The following GALNTL6 variants were observed in gnomAD, a reference collection of about 807,000 sequenced individuals.
GALNTL6 encodes polypeptide N-acetylgalactosaminyltransferase-like 6.
A neutral mutation model predicts 73.7 loss-of-function variants in GALNTL6; 46 were observed. The ratio of observed to expected loss-of-function variants is 0.62; its 90% CI spans 0.49 to 0.80. GALNTL6 has a LOEUF of 0.80. GALNTL6 is among the 30% of genes least tolerant of loss of function. GALNTL6 has a pLI of 0.00. For missense variants in GALNTL6, 604 were observed against 755.0 expected, an observed-to-expected ratio of 0.80 and a Z score of 2.34; for synonymous variants, 259 against 263.7, an observed-to-expected ratio of 0.98 and a Z score of 0.17.
At chr4:172,614,521 T>C (rs1236200726) in intron 5 of GALNTL6, among the ~76,000 whole-genome samples, 1 of 152,146 alleles carries the variant, frequency 6.6e-6, no homozygotes, top group Admixed American at 6.6e-5. Context: ...AAGAAAAGTG[T>C]TTTTCACAAT....
At chr4:172,164,801 G>A (rs1012593940) in intron 2 of GALNTL6, among the ~76,000 whole-genome samples, 3 of 152,092 alleles carry the variant, frequency 2.0e-5, no homozygotes, top group Middle Eastern at 3.4e-3. Flanking sequence ...TCTGTAAACC[G>A]TAGAGTGTTA....
chr4:172,601,600 G>A (rs905046722), intron 5 of GALNTL6, among the ~76,000 whole-genome samples: 1 of 152,116 alleles, frequency 6.6e-6, no homozygotes, highest in African/African-American at 2.4e-5. Context: ...CTCTCCAGAA[G>A]CCATCCAGAT....
intron 3 of GALNTL6, among the ~76,000 whole-genome samples, chr4:172,294,176 C>T (rs1739578309): frequency 6.6e-6 from 1 of 151,954 alleles, no homozygotes; most frequent in East Asian, 1.9e-4. Flanking sequence ...ATTTTGTCTT[C>T]TCTCTTGTAG....
rs533467190 is a variant in GALNTL6 at position 173,032,761 on chromosome 4, AAG to A, written c.1639-7167_1639-7166del. 4.5e-4 allele frequency among the ~76,000 whole-genome samples: 68 copies of A among 152,316 alleles called. No individual in the cohort carries two copies. The East Asian group carries it at 0.012, about 26-fold the overall frequency. On this transcript the variant is annotated intron_variant, in intron 12 of 12. Transcript: ENST00000506823. ...TGTAGGTCATGCTAAGAATTTAGCT[AAG>A]AGAGTGTGAAGTGTTTGAATGGATT...
chr4:172,065,245 C>A (rs1287614822), intron 2 of GALNTL6, among the ~76,000 whole-genome samples: 1 of 152,084 alleles, frequency 6.6e-6, no homozygotes, highest in Non-Finnish European at 1.5e-5. Flanking sequence ...GAGCATGCAA[C>A]CTAGATCCCT....
intron 2 of GALNTL6, among the ~76,000 whole-genome samples, chr4:171,922,236 GTAGT>G (rs1737810953): frequency 6.6e-6 from 1 of 151,934 alleles, no homozygotes; most frequent in Non-Finnish European, 1.5e-5. Flanking sequence ...TAAATAAAAG[GTAGT>G]TAGGCTAATA....
At chr4:173,009,433 C>T in intron 11 of GALNTL6, 139 bp downstream of exon 11, 1 of 624,678 alleles carries the variant, frequency 1.6e-6, no homozygotes, top group Non-Finnish European at 2.9e-6. Context: ...GTATCACCAA[C>T]CAGCTCTGCA....
chr4:172,852,801 C>T (rs11935653), intron 7 of GALNTL6, among the ~76,000 whole-genome samples: 95,052 of 151,872 alleles, frequency 0.63, 31,918 homozygotes, highest in East Asian at 0.91. Context: ...ATAAAGAAAC[C>T]GGATCAAAAA....
At chr4:172,214,453 G>T (rs1736428954) in intron 2 of GALNTL6, among the ~76,000 whole-genome samples, 1 of 150,294 alleles carries the variant, frequency 6.7e-6, no homozygotes. Flanking sequence ...GACTTAATTG[G>T]TTCAATTTCA....
intron 10 of GALNTL6, among the ~76,000 whole-genome samples, chr4:172,998,465 C>A (rs555369623): frequency 2.8e-4 from 42 of 152,202 alleles, no homozygotes; most frequent in African/African-American, 9.6e-4. Context: ...TATTTTAATT[C>A]TGCTTTTCTC....
chr4:171,995,087 C>T (rs1035940274), intron 2 of GALNTL6, among the ~76,000 whole-genome samples: 4 of 151,576 alleles, frequency 2.6e-5, no homozygotes, highest in Non-Finnish European at 5.9e-5. Flanking sequence ...AATTATAATT[C>T]CTATTTTTAT....
chr4:172,648,421 ATTAG>A (rs1314826566), intron 5 of GALNTL6, among the ~76,000 whole-genome samples: 1 of 152,178 alleles, frequency 6.6e-6, no homozygotes, highest in Non-Finnish European at 1.5e-5. Flanking sequence ...CAATGTTAAT[ATTAG>A]TTAGTAGTCA....
intron 2 of GALNTL6, among the ~76,000 whole-genome samples, chr4:171,904,869 C>A (rs571832498): frequency 2.6e-5 from 4 of 152,046 alleles, no homozygotes; most frequent in African/African-American, 9.7e-5. Flanking sequence ...AATTTTCAAC[C>A]CAGAATTTCA....
At chr4:171,941,701 A>G (rs1020299878) in intron 2 of GALNTL6, among the ~76,000 whole-genome samples, 6 of 152,046 alleles carry the variant, frequency 3.9e-5, no homozygotes, top group South Asian at 2.1e-4. Context: ...CAGCCTCTCT[A>G]CCTACTTTTA....
chr4:172,138,477 C>CTATATATCTATA (rs1733697339), intron 2 of GALNTL6, among the ~76,000 whole-genome samples: 1 of 8,688 alleles, frequency 1.2e-4, no homozygotes, highest in Non-Finnish European at 2.1e-4. Context: ...CTTGGACTGC[C>CTATATATCTATA]TATATATATA....
At chr4:172,733,029 G>A (rs1736244399) in intron 5 of GALNTL6, among the ~76,000 whole-genome samples, 1 of 152,200 alleles carries the variant, frequency 6.6e-6, no homozygotes, top group South Asian at 2.1e-4. Flanking sequence ...AATACTCTGA[G>A]TTTGTTCATG....
At chr4:172,207,882 T>C (rs1448056456) in intron 2 of GALNTL6, among the ~76,000 whole-genome samples, 1 of 152,240 alleles carries the variant, frequency 6.6e-6, no homozygotes, top group East Asian at 1.9e-4. Context: ...TACAGCGTAT[T>C]TTATTAAAAT....
chr4:172,846,716 T>C (rs896467625), intron 7 of GALNTL6, among the ~76,000 whole-genome samples: 1 of 152,168 alleles, frequency 6.6e-6, no homozygotes, highest in South Asian at 2.1e-4. Context: ...CCTATTATTA[T>C]TGCTAATTTA....
intron 2 of GALNTL6, among the ~76,000 whole-genome samples, chr4:172,069,498 A>G (rs1237623689): frequency 1.5e-5 from 1 of 66,380 alleles, no homozygotes; most frequent in Non-Finnish European, 3.1e-5. Context: ...CATATGTTAT[A>G]TGTATAACAC....
Sources: allele counts gnomAD v4.1 joint callset (sites outside exome capture counted in the v4.1 genomes callset), GRCh38; gene constraint gnomAD v4.1.1; transcripts MANE v1.5; gene names NCBI Gene and HGNC (gene_info 2026-07-23, HGNC 2026-07-21).